The following CADPS2 variants were observed in gnomAD, a reference collection of about 807,000 sequenced individuals.
The protein encoded by CADPS2 is calcium-dependent secretion activator 2.
A neutral mutation model predicts 172.5 loss-of-function variants in CADPS2; 93 were observed. That is an observed-to-expected ratio of 0.54 (90% confidence interval 0.46 to 0.64). CADPS2 has a LOEUF of 0.64. CADPS2 is among the 30% of genes least tolerant of loss of function. CADPS2 has a pLI of 0.00. For synonymous variants in CADPS2, 546 were observed against 555.2 expected (o/e 0.98, Z 0.23); for missense variants, 1,420 against 1,565.9 (o/e 0.91, Z 1.57).
intron 3 of CADPS2, among the ~76,000 whole-genome samples, chr7:122,656,456 G>A (rs1168250153): frequency 6.6e-6 from 1 of 152,060 alleles, no homozygotes; most frequent in African/African-American, 2.4e-5. Context: ...ACAGGAGACA[G>A]GACTTCAAAA....
At chr7:122,590,346 T>C (rs765206646) in intron 6 of CADPS2, among the ~76,000 whole-genome samples, 1 of 151,906 alleles carries the variant, frequency 6.6e-6, no homozygotes, top group Non-Finnish European at 1.5e-5. Flanking sequence ...GTAATGCATA[T>C]TTATTAGTCA....
chr7:122,852,038 C>T (rs188713823), intron 1 of CADPS2, among the ~76,000 whole-genome samples: 3 of 152,248 alleles, frequency 2.0e-5, no homozygotes, highest in East Asian at 1.9e-4. Context: ...AGCTAGTAAG[C>T]GGCAGAACTG....
intron 2 of CADPS2, among the ~76,000 whole-genome samples, chr7:122,727,694 G>A (rs2091247181): frequency 6.6e-6 from 1 of 151,832 alleles, no homozygotes; most frequent in African/African-American, 2.4e-5. Flanking sequence ...ATAACAAAAT[G>A]GATGCCATCA....
chr7:122,735,471 A>C (rs1417730563), intron 2 of CADPS2, among the ~76,000 whole-genome samples: 1 of 152,110 alleles, frequency 6.6e-6, no homozygotes. Context: ...CTGGAGTTAC[A>C]ATATTTTTAT....
intron 2 of CADPS2, among the ~76,000 whole-genome samples, chr7:122,667,350 T>C (rs2081290119): frequency 1.3e-5 from 2 of 152,340 alleles, no homozygotes; most frequent in African/African-American, 4.8e-5. Flanking sequence ...CAAGTTCTTC[T>C]GCCTAACAGA....
At chr7:122,583,701 TTCATA>T (rs752674607) in intron 6 of CADPS2, among the ~76,000 whole-genome samples, 5 of 151,182 alleles carry the variant, frequency 3.3e-5, no homozygotes, top group Non-Finnish European at 5.9e-5. Flanking sequence ...ACATATGTCC[TTCATA>T]TCATATACCT....
intron 27 of CADPS2, among the ~76,000 whole-genome samples, chr7:122,359,474 T>C: frequency 6.6e-6 from 1 of 152,114 alleles, no homozygotes; most frequent in Non-Finnish European, 1.5e-5. Context: ...GAGAATAAAC[T>C]AGTATAGGGC....
chr7:122,622,051 G>C (rs1251252636), intron 4 of CADPS2, among the ~76,000 whole-genome samples: 1 of 152,128 alleles, frequency 6.6e-6, no homozygotes, highest in Non-Finnish European at 1.5e-5. Context: ...ATGAACCTTA[G>C]CCACTAGTAG....
chr7:122,757,953 T>C (rs1260555355), intron 1 of CADPS2, among the ~76,000 whole-genome samples: 3 of 152,082 alleles, frequency 2.0e-5, no homozygotes, highest in Non-Finnish European at 4.4e-5. Flanking sequence ...ATAACCATTA[T>C]AACTCTAGCT....
At chr7:122,862,393 AAAG>A in intron 1 of CADPS2, among the ~76,000 whole-genome samples, 1 of 152,182 alleles carries the variant, frequency 6.6e-6, no homozygotes, top group South Asian at 2.1e-4. Flanking sequence ...TAATCCAAGG[AAAG>A]AAGAGAAAGA....
At chr7:122,739,694 C>CT (rs1172790953) in intron 1 of CADPS2, among the ~76,000 whole-genome samples, 6 of 152,070 alleles carry the variant, frequency 3.9e-5, no homozygotes, top group African/African-American at 1.4e-4. Flanking sequence ...TAAATGAATA[C>CT]TTTATTAGCA....
At chr7:122,754,588 T>A (rs2093082268) in intron 1 of CADPS2, among the ~76,000 whole-genome samples, 1 of 152,204 alleles carries the variant, frequency 6.6e-6, no homozygotes, top group Admixed American at 6.5e-5. Flanking sequence ...TTGAGTCTCC[T>A]GCCTCAGCCT....
chr7:122,777,247 G>A (rs1040604190), intron 1 of CADPS2, among the ~76,000 whole-genome samples: 9 of 152,138 alleles, frequency 5.9e-5, no homozygotes, highest in African/African-American at 1.7e-4. Context: ...CTAAAAGTAG[G>A]CAGTCCAGGG....
At chr7:122,862,363 T>A (rs950746483) in intron 1 of CADPS2, among the ~76,000 whole-genome samples, 2 of 152,202 alleles carry the variant, frequency 1.3e-5, no homozygotes, top group African/African-American at 4.8e-5. Flanking sequence ...TGGTTTCCCT[T>A]TTTGTGAAAT....
At chr7:122,584,749 T>G (rs1035504159) in intron 6 of CADPS2, among the ~76,000 whole-genome samples, 1 of 152,042 alleles carries the variant, frequency 6.6e-6, no homozygotes, top group African/African-American at 2.4e-5. Context: ...AGTGCTATTT[T>G]TACTATCATT....
At chr7:122,722,905 A>G (rs915753284) in intron 2 of CADPS2, among the ~76,000 whole-genome samples, 4 of 152,028 alleles carry the variant, frequency 2.6e-5, no homozygotes, top group African/African-American at 9.7e-5. Flanking sequence ...TCTTTGACAA[A>G]CCTGACAAAA....
chr7:122,547,841 GAAGA>G (rs1025013440), intron 8 of CADPS2, among the ~76,000 whole-genome samples: 2 of 152,196 alleles, frequency 1.3e-5, no homozygotes, highest in Non-Finnish European at 2.9e-5. Context: ...ATAAGAGACA[GAAGA>G]AACAGAGGAA....
chr7:122,825,823 C>T (rs1240138152), intron 1 of CADPS2, among the ~76,000 whole-genome samples: 1 of 152,144 alleles, frequency 6.6e-6, no homozygotes, highest in African/African-American at 2.4e-5. Flanking sequence ...AGTATATTGA[C>T]TTTGATACAA....
At chr7:122,350,837 T>A (rs904646599) in intron 27 of CADPS2, among the ~76,000 whole-genome samples, 11 of 151,268 alleles carry the variant, frequency 7.3e-5, no homozygotes, top group Non-Finnish European at 5.9e-5. Context: ...AAGTAAAAAA[T>A]TAGCCAGGCA....
Sources: gnomAD v4.1 joint callset for allele counts (sites outside exome capture counted in the v4.1 genomes callset) on GRCh38, gnomAD v4.1.1 for gene constraint, MANE v1.5 for transcripts, NCBI Gene and HGNC (gene_info 2026-07-23, HGNC 2026-07-21) for gene names.